Variants in VPS33A observed in about 807,000 individuals in gnomAD.
VPS33A encodes the protein vacuolar protein sorting-associated protein 33A.
VPS33A carries 32 observed loss-of-function variants against 71.8 expected under a neutral mutation model. That is an observed-to-expected ratio of 0.45 (90% CI 0.34 to 0.60). The LOEUF (loss-of-function observed/expected upper bound fraction) is 0.60, where lower values mean the gene tolerates loss of function less well. Among genes scored for constraint, VPS33A ranks in the 20% least tolerant of loss-of-function variants. VPS33A has a pLI of 0.02. For synonymous variants in VPS33A, 311 were observed against 292.7 expected (o/e 1.06, Z -0.64); for missense variants, 625 against 748.5 (o/e 0.84, Z 1.92).
chr12:122,250,310 C>T (rs546316973), intron 5 of VPS33A: 1 of 388,788 alleles, frequency 2.6e-6, no homozygotes, highest in Non-Finnish European at 4.6e-6. Context: ...TCTATGAAGT[C>T]ACTGCAAACA....
At position 122,235,834 on chromosome 12, in the gene VPS33A, T is replaced by C; in HGVS notation, c.1392A>G (p.Pro464=). The C allele has an allele frequency of 6.2e-7, 1 of 1,613,888 alleles. No individual in the cohort carries two copies. Among genetic ancestry groups the C allele is most frequent in the Non-Finnish European group, 8.5e-7 (1 of 1,179,946 alleles). ...AGAGGCGTAATGTTTTCCGTATAGT[T>C]GGGTAATTGTTTCTGCCCCCCGTCT... ...KPQTGGRNNY[P]TIRKTLRLWM... is the part of the protein sequence containing the mutation. The change falls in exon 11 of 13, where the codon CCA becomes CCG. Residue 464 remains proline, a synonymous_variant. Transcript: ENST00000267199.
intron 4 of VPS33A, among the ~76,000 whole-genome samples, chr12:122,260,882 G>A (rs1238088256): frequency 6.6e-6 from 1 of 152,208 alleles, no homozygotes; most frequent in Non-Finnish European, 1.5e-5. Flanking sequence ...GGCTGAGGCA[G>A]AAGAATCCCT....
rs577517993 is a variant in VPS33A at position 122,266,472 on chromosome 12, C to G, written c.-64G>C. On this transcript the variant is annotated 5_prime_UTR_variant, in exon 1 of 13. Transcript: ENST00000267199. ...TCCGCCGGTTCCTACGGGAGGACCACGGACGCAGTCACGTGACCAAACGTC... is the reference window on the plus strand; with the variant it reads ...TCCGCCGGTTCCTACGGGAGGACCAGGGACGCAGTCACGTGACCAAACGTC... 68 of 1,569,086 alleles carry G rather than the reference C, an allele frequency of 4.3e-5. No individual in the cohort carries two copies. In the South Asian group the frequency reaches 7.3e-4, roughly 17 times the overall value.
Position 122,255,072 on chromosome 12 carries a change from A to G in VPS33A, c.484-3973T>C, listed in dbSNP as rs1440762075. On this transcript the variant is annotated intron_variant, in intron 4 of 12. Coordinates refer to ENST00000267199, the MANE Select transcript of VPS33A (RefSeq NM_022916.6). ...TTTCAAGGAAAAAAAAAAAAAAAAGAAAATAGTTCTGCCCTTTCTTACAAA... is the reference window on the plus strand; with the variant it reads ...TTTCAAGGAAAAAAAAAAAAAAAAGGAAATAGTTCTGCCCTTTCTTACAAA... 2.0e-5 allele frequency among the ~76,000 whole-genome samples: 3 copies of G among 151,204 alleles called. No homozygotes were observed. The East Asian group carries it at 5.9e-4, about 29-fold the overall frequency.
chr12:122,252,418 G>A (rs1288468695), intron 4 of VPS33A, among the ~76,000 whole-genome samples: 11 of 151,936 alleles, frequency 7.2e-5, no homozygotes, highest in African/African-American at 2.4e-4. Context: ...ACAGGCGCCC[G>A]CCACCACGCC....
chr12:122,245,722 G>A (rs1592918185), intron 6 of VPS33A, among the ~76,000 whole-genome samples: 1 of 152,298 alleles, frequency 6.6e-6, no homozygotes, highest in East Asian at 1.9e-4. Flanking sequence ...CTGGATTACA[G>A]GTGTGAGCCA....
intron 3 of VPS33A, among the ~76,000 whole-genome samples, chr12:122,262,229 AC>A (rs759393424): frequency 6.6e-6 from 1 of 152,098 alleles, no homozygotes; most frequent in African/African-American, 2.4e-5. Flanking sequence ...CCAACGTGTT[AC>A]AGCTGTACCC....
At chr12:122,265,413 T>C (rs952642112) in intron 1 of VPS33A, among the ~76,000 whole-genome samples, 1 of 152,140 alleles carries the variant, frequency 6.6e-6, no homozygotes, top group Non-Finnish European at 1.5e-5. Context: ...TTCTTATTTA[T>C]TTAAATAATT....
At chr12:122,238,766 T>TACACACACACACAC (rs745624372) in intron 9 of VPS33A, 42 bp from the exon 10 acceptor site, 2 of 1,353,494 alleles carry the variant, frequency 1.5e-6, no homozygotes, top group African/African-American at 3.9e-5. Context: ...CATTTACATA[T>TACACACACACACAC]ACATACACAC....
At position 122,262,359 on chromosome 12, in the gene VPS33A, A is replaced by G. The variant is rs976861079; in HGVS notation, c.297-912T>C. 5.3e-5 allele frequency among the ~76,000 whole-genome samples: 8 copies of G among 152,202 alleles called. No homozygotes were observed. In the East Asian group the frequency reaches 7.7e-4, roughly 15 times the overall value. On this transcript the variant is annotated intron_variant, in intron 3 of 12. Transcript: ENST00000267199. ...AAGCTCTCAGGTTGATTGAAATAGGATATCTGTGTCTCAATAAAAACAAAT... is the reference window on the plus strand; with the variant it reads ...AAGCTCTCAGGTTGATTGAAATAGGGTATCTGTGTCTCAATAAAAACAAAT...
chr12:122,251,173 G>T, intron 4 of VPS33A, 74 bp from the exon 5 acceptor site: 1 of 967,650 alleles, frequency 1.0e-6, no homozygotes, highest in South Asian at 1.4e-5. Context: ...CTGGGGCTGG[G>T]GTGCAGCGAC....
At position 122,251,096 on chromosome 12, in the gene VPS33A, A is replaced by C; in HGVS notation, c.487T>G (p.Cys163Gly). The C allele has an allele frequency of 1.2e-6, 2 of 1,612,476 alleles. No individual in the cohort carries two copies. Among genetic ancestry groups the C allele is most frequent in the Non-Finnish European group, 1.7e-6 (2 of 1,178,864 alleles). Residue 163 changes from cysteine (C) to glycine (G), a missense_variant, in exon 5 of 13, where the codon TGC becomes GGC. By Grantham distance (159) the Cys-to-Gly change is radical (BLOSUM62 -3). Coordinates refer to ENST00000267199, the MANE Select transcript of VPS33A (RefSeq NM_022916.6). Reference sequence around the variant, plus strand: ...CTCGTCTGGTCACCCTCCAGGTAGCACTCCTGTGAGGGAAAAGGCCAATTA... The same window carrying C: ...CTCGTCTGGTCACCCTCCAGGTAGCCCTCCTGTGAGGGAAAAGGCCAATTA... ...SMESEGAFKE[C>G]YLEGDQTSLY...
intron 3 of VPS33A, among the ~76,000 whole-genome samples, chr12:122,262,765 G>A (rs1219895481): frequency 6.6e-6 from 1 of 151,776 alleles, no homozygotes; most frequent in Non-Finnish European, 1.5e-5. Flanking sequence ...TGAAAGAATG[G>A]GTAGATAGGA....
Position 122,261,266 on chromosome 12 carries a change from A to G in VPS33A, c.478T>C (p.Phe160Leu). Residue 160 changes from phenylalanine to leucine, a missense_variant, in exon 4 of 13, where the codon TTC becomes CTC. Physicochemically the swap from Phe to Leu is conservative, Grantham distance 22 (BLOSUM62 0). Coordinates refer to ENST00000267199, the MANE Select transcript of VPS33A (RefSeq NM_022916.6). ...TAAGGAAATGCCAAACTTACTTTGA[A>G]TGCACCCTCTGATTCCATGGATAAG... ...DLLSMESEGA[F>L]KECYLEGDQT... The G allele has an allele frequency of 6.2e-7, 1 of 1,600,078 alleles. No individual in the cohort carries two copies. Among genetic ancestry groups the G allele is most frequent in the Non-Finnish European group, 8.5e-7 (1 of 1,175,158 alleles).
At position 122,232,175 on chromosome 12, in the gene VPS33A, C is replaced by CT. The variant is rs1448975705; in HGVS notation, c.*70dup. The CT allele has an allele frequency of 3.4e-6, 5 of 1,449,310 alleles. No homozygotes were observed. The highest frequency in any genetic ancestry group is 4.7e-6 in the Non-Finnish European group (5 of 1,073,106). The allele number at this position is 1,449,310 out of a possible 1,614,324, so 89.8% of individuals were successfully genotyped here. ...CCCATGTTTCTTCTATGGGGTTTTA[C>CT]TTCCTTTCAGCAATTTCTTCAAAGA... is the stretch of plus-strand genomic sequence containing the variant. On this transcript the variant is annotated 3_prime_UTR_variant, in exon 13 of 13. Coordinates refer to ENST00000267199, the MANE Select transcript of VPS33A (RefSeq NM_022916.6).
At chr12:122,260,580 T>C (rs1169918090) in intron 4 of VPS33A, among the ~76,000 whole-genome samples, 2 of 152,294 alleles carry the variant, frequency 1.3e-5, no homozygotes, top group Non-Finnish European at 1.5e-5. Flanking sequence ...ATTACAGGCA[T>C]GAGCCACTTA....
chr12:122,236,208 A>C (rs1954627767), intron 10 of VPS33A, among the ~76,000 whole-genome samples: 1 of 152,190 alleles, frequency 6.6e-6, no homozygotes, highest in South Asian at 2.1e-4. Flanking sequence ...CATCAAATAA[A>C]TGATAGTATA....
chr12:122,265,434 G>A (rs983228296), intron 1 of VPS33A, among the ~76,000 whole-genome samples: 2 of 151,928 alleles, frequency 1.3e-5, no homozygotes, highest in African/African-American at 4.8e-5. Flanking sequence ...GTACATTAAC[G>A]TTTAGTTAAA....
In VPS33A at chr12:122,233,140, A is replaced by C. The variant is rs114718352; in HGVS notation, c.1441-172T>G. ...TAGCTGGGCTCAATTTTTAGCAGCC[A>C]GAGCTTCAATTTTGACTGAAATCTT... On this transcript the variant is annotated intron_variant, in intron 11 of 12. Coordinates refer to ENST00000267199, the MANE Select transcript of VPS33A (RefSeq NM_022916.6). 4.0e-3 allele frequency among the ~76,000 whole-genome samples: 615 copies of C among 152,274 alleles called. 1 individual carries two copies. Among genetic ancestry groups the C allele is most frequent in the African/African-American group, 0.014 (582 of 41,568 alleles).
Sources: gnomAD v4.1 joint callset for allele counts (sites outside exome capture counted in the v4.1 genomes callset) on GRCh38, gnomAD v4.1.1 for gene constraint, MANE v1.5 for transcripts, NCBI Gene and HGNC (gene_info 2026-07-23, HGNC 2026-07-21) for gene names.